The following RYR2 variants were observed in gnomAD, a reference collection of about 807,000 sequenced individuals.
RYR2 encodes cardiac muscle ryanodine receptor-calcium release channel.
In RYR2, 227 loss-of-function variants were observed where a neutral mutation model predicts 601.1. That is an observed-to-expected ratio of 0.38 (90% CI 0.34 to 0.42). The LOEUF is 0.42. RYR2 is among the 10% of genes least tolerant of loss of function. The pLI, the probability that RYR2 is intolerant of heterozygous loss-of-function variation, is 1.00. For synonymous variants in RYR2, 2,223 were observed against 2,175.1 expected, an observed-to-expected ratio of 1.02 and a Z score of -0.61; for missense variants, 4,646 against 6,156.5, an observed-to-expected ratio of 0.75 and a Z score of 8.21.
At chr1:237,324,376 A>G (rs1037904197) in intron 2 of RYR2, among the ~76,000 whole-genome samples, 1 of 152,156 alleles carries the variant, frequency 6.6e-6, no homozygotes, top group Non-Finnish European at 1.5e-5. Context: ...GGAGAAGTCG[A>G]CACTCAACAG....
At chr1:237,463,388 G>A (rs958141832) in intron 16 of RYR2, among the ~76,000 whole-genome samples, 3 of 152,094 alleles carry the variant, frequency 2.0e-5, no homozygotes, top group African/African-American at 4.8e-5. Context: ...AAATTTTTCT[G>A]TAAGTCTCAG....
intron 1 of RYR2, among the ~76,000 whole-genome samples, chr1:237,243,452 A>G (rs909631740): frequency 7.9e-5 from 12 of 152,168 alleles, no homozygotes; most frequent in Non-Finnish European, 1.8e-4. Context: ...AAGGGTACAG[A>G]TGAAGAGCTG....
At chr1:237,166,470 G>A (rs1364577998) in intron 1 of RYR2, among the ~76,000 whole-genome samples, 2 of 145,988 alleles carry the variant, frequency 1.4e-5, no homozygotes, top group African/African-American at 5.1e-5. Context: ...AGTCTCTCAG[G>A]GCTGGAGCCT....
chr1:237,461,182 T>C (rs1173288120), intron 16 of RYR2, among the ~76,000 whole-genome samples: 1 of 152,212 alleles, frequency 6.6e-6, no homozygotes, highest in Admixed American at 6.5e-5. Flanking sequence ...ACTGCAAATT[T>C]TATATTCTAT....
At chr1:237,734,128 G>A (rs183279499) in intron 79 of RYR2, among the ~76,000 whole-genome samples, 5 of 152,290 alleles carry the variant, frequency 3.3e-5, no homozygotes, top group Admixed American at 2.6e-4. Context: ...GCAGAGAAAT[G>A]TATCCCTCCA....
intron 11 of RYR2, among the ~76,000 whole-genome samples, chr1:237,422,556 A>G (rs1705702103): frequency 6.6e-6 from 1 of 152,178 alleles, no homozygotes; most frequent in Non-Finnish European, 1.5e-5. Flanking sequence ...TGTAAAGTAT[A>G]AGAATACATT....
At position 237,680,496 on chromosome 1, in the gene RYR2, G is replaced by A. The variant is rs753179691; in HGVS notation, c.8936G>A (p.Arg2979His). The A allele has an allele frequency of 2.1e-5, 33 of 1,605,818 alleles. No homozygotes were observed. The South Asian group carries it at 2.1e-4, about 10-fold the overall frequency. The change falls in exon 62 of 105, where the codon CGT (arginine) becomes CAT (histidine). Residue 2979 changes from arginine to histidine, a missense_variant. Coordinates refer to ENST00000366574, the MANE Select transcript of RYR2 (RefSeq NM_001035.3). The part of the protein sequence containing the change: ...PLIDQYFKNH[R>H]LYFLSAASRP... ...ATTGATCAGTATTTCAAAAACCATC[G>A]TTTATACTTCTTATCTGCAGCAAGC...
chr1:237,099,949 C>T (rs113914589), intron 1 of RYR2, among the ~76,000 whole-genome samples: 40 of 152,188 alleles, frequency 2.6e-4, no homozygotes, highest in African/African-American at 8.7e-4. Flanking sequence ...ATGAACCCAG[C>T]GGAGGGGCTC....
chr1:237,340,005 G>C (rs973842700), intron 3 of RYR2, among the ~76,000 whole-genome samples: 1 of 152,116 alleles, frequency 6.6e-6, no homozygotes, highest in African/African-American at 2.4e-5. Context: ...TGAAGAACTA[G>C]GTTCTTTTAT....
intron 1 of RYR2, among the ~76,000 whole-genome samples, chr1:237,052,460 C>G (rs1317341934): frequency 1.3e-5 from 2 of 152,104 alleles, no homozygotes; most frequent in Non-Finnish European, 2.9e-5. Flanking sequence ...TATAGAACAA[C>G]ATGTAAGGCA....
intron 10 of RYR2, among the ~76,000 whole-genome samples, chr1:237,389,061 G>T (rs1265580968): frequency 6.6e-6 from 1 of 152,142 alleles, no homozygotes; most frequent in Non-Finnish European, 1.5e-5. Flanking sequence ...CTTAACCTCT[G>T]TTCCCAGGCA....
At chr1:237,418,313 A>G (rs752369270) in intron 11 of RYR2, among the ~76,000 whole-genome samples, 41 of 152,218 alleles carry the variant, frequency 2.7e-4, no homozygotes, top group Non-Finnish European at 5.0e-4. Flanking sequence ...AAGTGCTGGG[A>G]TCACAGGTGT....
intron 2 of RYR2, among the ~76,000 whole-genome samples, chr1:237,315,643 G>C (rs1695034155): frequency 6.6e-6 from 1 of 152,128 alleles, no homozygotes; most frequent in Non-Finnish European, 1.5e-5. Context: ...GGATCACAAA[G>C]CCCCAGTAGC....
At chr1:237,670,622 CT>C (rs1187127343) in intron 58 of RYR2, among the ~76,000 whole-genome samples, 1 of 151,982 alleles carries the variant, frequency 6.6e-6, no homozygotes, top group Non-Finnish European at 1.5e-5. Context: ...ATGTCTGTTC[CT>C]TTTTTTAAAC....
intron 1 of RYR2, among the ~76,000 whole-genome samples, chr1:237,085,651 C>G (rs988076132): frequency 3.9e-5 from 6 of 152,162 alleles, no homozygotes; most frequent in African/African-American, 1.4e-4. Context: ...GGTGAACTGC[C>G]CCATTACTTG....
Position 237,702,062 on chromosome 1 carries a change from A to G in RYR2, c.9449+3A>G, listed in dbSNP as rs1688012992. ...AGCAAGAGTATTTACGTGGAGAGGT[A>G]AGAATGTTTAAAGTTTAACTTTGTA... is the stretch of plus-strand genomic sequence containing the variant. On this transcript the variant is annotated splice_donor_region_variant and intron_variant, in intron 66 of 104. Transcript: ENST00000366574. The G allele has an allele frequency of 2.6e-6, 4 of 1,546,138 alleles. No individual in the cohort carries two copies. The highest frequency in any genetic ancestry group is 3.6e-6 in the Non-Finnish European group (4 of 1,119,580).
At chr1:237,814,211 T>G (rs1008610819) in intron 100 of RYR2, among the ~76,000 whole-genome samples, 1 of 152,218 alleles carries the variant, frequency 6.6e-6, no homozygotes, top group East Asian at 1.9e-4. Context: ...GCTTTCAAAG[T>G]ACAGGCTTAT....
rs141373332 is a variant in RYR2, at chr1:237,378,648, T to A, written c.576+1213T>A. On this transcript the variant is annotated intron_variant, in intron 8 of 104. Coordinates refer to ENST00000366574, the MANE Select transcript of RYR2 (RefSeq NM_001035.3). ...TTTACCACTACCATAAATCAAAATG[T>A]AGTTCATGTGTTACTGGTTTAGGAT... is the stretch of plus-strand genomic sequence containing the variant. Among the ~76,000 whole-genome samples the A allele has an allele frequency of 6.6e-4, 100 of 152,342 alleles. 1 individual carries two copies. In the East Asian group the frequency reaches 0.015, roughly 23 times the overall value.
chr1:237,664,514 T>C (rs1266285865), intron 56 of RYR2, among the ~76,000 whole-genome samples: 2 of 152,190 alleles, frequency 1.3e-5, no homozygotes, highest in Admixed American at 6.5e-5. Flanking sequence ...CACATGGTGG[T>C]AGACGAGAAG....
Sources: allele counts gnomAD v4.1 joint callset (sites outside exome capture counted in the v4.1 genomes callset), GRCh38; gene constraint gnomAD v4.1.1; transcripts MANE v1.5; gene names NCBI Gene and HGNC (gene_info 2026-07-23, HGNC 2026-07-21).